GPR161: variants seen among roughly 807,000 people sequenced by gnomAD.
The protein encoded by GPR161 is G-protein coupled receptor RE2.
In GPR161, 25 loss-of-function variants were observed where a neutral mutation model predicts 39.2. The observed-to-expected ratio is 0.64, with a 90% confidence interval of 0.47 to 0.89. The LOEUF (loss-of-function observed/expected upper bound fraction) is 0.89, where lower values mean the gene tolerates loss of function less well. GPR161 is among the 40% of genes least tolerant of loss of function. The pLI, the probability that GPR161 is intolerant of heterozygous loss-of-function variation, is 0.00. For missense variants in GPR161, 547 were observed against 677.8 expected (o/e 0.81, Z 2.14); for synonymous variants, 286 against 276.6 (o/e 1.03, Z -0.34).
chr1:168,114,283 G>T (rs1332271083), intron 1 of GPR161, among the ~76,000 whole-genome samples: 7 of 152,116 alleles, frequency 4.6e-5, no homozygotes, highest in Non-Finnish European at 8.8e-5. Context: ...TGGCCTAGTG[G>T]TTAAGAGCAC....
chr1:168,136,751 GC>G lies in GPR161; in HGVS notation c.-58del. 1 of 995,622 alleles carries G rather than the reference GC, an allele frequency of 1.0e-6. No homozygotes were observed. Among genetic ancestry groups the G allele is most frequent in the Non-Finnish European group, 1.2e-6 (1 of 837,270 alleles). 61.7% of individuals were successfully genotyped at this position (995,622 alleles called of 1,614,324 possible). A position where few individuals can be genotyped will look rare whatever the true frequency, so the allele number is the denominator to read the frequency against. ...GCCGGGTGCTCACCGAGGAGCGGCC[GC>G]CGCGGCAGCTCAGGCCCCGGCCCAG... On this transcript the variant is annotated 5_prime_UTR_variant, in exon 1 of 6. Coordinates refer to ENST00000682931, the MANE Select transcript of GPR161 (RefSeq NM_001375883.1).
At chr1:168,090,717 G>A (rs978511098) in intron 3 of GPR161, 49 bp from the exon 4 acceptor site, 3 of 1,113,456 alleles carry the variant, frequency 2.7e-6, no homozygotes, top group African/African-American at 3.1e-5. Context: ...CTGCAAGGAG[G>A]GGCCCCAGCC....
upstream of GPR161, chr1:168,137,275 CA>C: frequency 1.3e-6 from 2 of 1,503,272 alleles, no homozygotes; most frequent in South Asian, 2.5e-5. Context: ...TCGCCTTTTC[CA>C]TGTCTCTCTC....
chr1:168,099,428 T>C (rs1695877727), intron 2 of GPR161, among the ~76,000 whole-genome samples: 1 of 152,198 alleles, frequency 6.6e-6, no homozygotes, highest in African/African-American at 2.4e-5. Flanking sequence ...GTACGGCCGG[T>C]TGTGGGAGCC....
chr1:168,113,726 T>C (rs957725695), intron 1 of GPR161, among the ~76,000 whole-genome samples: 1 of 152,194 alleles, frequency 6.6e-6, no homozygotes, highest in African/African-American at 2.4e-5. Context: ...AACAAACTAA[T>C]GCAGAAACAG....
At chr1:168,126,048 G>A (rs1698564452) in intron 1 of GPR161, among the ~76,000 whole-genome samples, 1 of 152,192 alleles carries the variant, frequency 6.6e-6, no homozygotes. Context: ...CCAAATAAAT[G>A]AGGTTACACA....
In GPR161 at chr1:168,104,551, G is replaced by A. The variant is rs1696412046; in HGVS notation, c.300C>T (p.Cys100=). The A allele has an allele frequency of 3.7e-6, 6 of 1,613,868 alleles. No individual in the cohort carries two copies. Among genetic ancestry groups the A allele is most frequent in the Admixed American group, 1.7e-5 (1 of 59,990 alleles). Residue 100 remains cysteine (C), a synonymous_variant, in exon 2 of 6, where the codon TGC becomes TGT. Transcript: ENST00000682931. ...RREWIFGVVW[C]NFSALLYLLI... is the part of the protein sequence containing the mutation. ...GCAGGTAGAGGAGGGCAGAGAAGTTGCACCACACTACACCAAAGATCCATT... is the reference window on the plus strand; with the variant it reads ...GCAGGTAGAGGAGGGCAGAGAAGTTACACCACACTACACCAAAGATCCATT...
chr1:168,129,724 G>A (rs1468363239), intron 1 of GPR161, among the ~76,000 whole-genome samples: 9 of 152,122 alleles, frequency 5.9e-5, no homozygotes, highest in Non-Finnish European at 1.3e-4. Context: ...AAAGCCCAAG[G>A]GGCTGAAATG....
rs1394882505 is a variant in GPR161 at position 168,111,258 on chromosome 1, CTT to C, written c.-44-6366_-44-6365del. Reference sequence around the variant, plus strand: ...TTTTTCTTAACTAGCAGACCTCTGACTTTGTCTGGTGTCCAACCCTCCTCCAA... The same window carrying C: ...TTTTTCTTAACTAGCAGACCTCTGACTGTCTGGTGTCCAACCCTCCTCCAA... On this transcript the variant is annotated intron_variant, in intron 1 of 5. Coordinates refer to ENST00000682931, the MANE Select transcript of GPR161 (RefSeq NM_001375883.1). Among the ~76,000 whole-genome samples the C allele has an allele frequency of 3.9e-5, 6 of 152,324 alleles. No individual in the cohort carries two copies. In the South Asian group the frequency reaches 1.2e-3, roughly 32 times the overall value.
chr1:168,103,535 T>C (rs992114585), intron 2 of GPR161, among the ~76,000 whole-genome samples: 2 of 152,116 alleles, frequency 1.3e-5, no homozygotes, highest in African/African-American at 4.8e-5. Context: ...GCCTCAGGTC[T>C]AGGTGCAGTC....
At chr1:168,130,403 C>T (rs1474340741) in intron 1 of GPR161, among the ~76,000 whole-genome samples, 1 of 152,160 alleles carries the variant, frequency 6.6e-6, no homozygotes, top group Non-Finnish European at 1.5e-5. Flanking sequence ...TGCAGCTTTC[C>T]CCCTTGCCAG....
chr1:168,084,887 C>G lies in GPR161; in HGVS notation c.*644G>C, dbSNP rs1006133442. On this transcript the variant is annotated 3_prime_UTR_variant, in exon 6 of 6. Coordinates refer to ENST00000682931, the MANE Select transcript of GPR161 (RefSeq NM_001375883.1). ...TCAGTAGGGAAGTAGGCAGGGTGGG[C>G]CAGTCTGCAAGAGGCCTGTGGCTGT... 2.2e-6 allele frequency: 1 copy of G among 456,206 alleles called. No individual in the cohort carries two copies. Among genetic ancestry groups the G allele is most frequent in the South Asian group, 1.5e-5 (1 of 64,558 alleles). 28.3% of individuals were successfully genotyped at this position (456,206 alleles called of 1,614,324 possible).
chr1:168,104,853 T>C lies in GPR161; in HGVS notation c.-3A>G, dbSNP rs1696450192. ...CTGAGGGAGGAGTTGAGGCTCATGG[T>C]CAGTGCACCTCGGCGTGGGGTGGGC... On this transcript the variant is annotated 5_prime_UTR_variant, in exon 2 of 6. It removes the in-frame stop codon of an upstream open reading frame in the 5' UTR. Transcript: ENST00000682931. The C allele has an allele frequency of 6.2e-7, 1 of 1,612,364 alleles. No homozygotes were observed.
At position 168,091,658 on chromosome 1, in the gene GPR161, T is replaced by C. The variant is rs1010806152; in HGVS notation, c.1100-990A>G. On this transcript the variant is annotated intron_variant, in intron 3 of 5. Transcript: ENST00000682931. ...AAGGTACTAGCGTGAAAGACAGAGA[T>C]GGGAAAAAAGAAAAGAAAAATGGAC... is the stretch of plus-strand genomic sequence containing the variant. Among the ~76,000 whole-genome samples the C allele has an allele frequency of 2.0e-5, 3 of 151,170 alleles. No individual in the cohort carries two copies. In the East Asian group the frequency reaches 5.8e-4, roughly 29 times the overall value.
chr1:168,115,130 A>G (rs1157020687), intron 1 of GPR161, among the ~76,000 whole-genome samples: 1 of 152,188 alleles, frequency 6.6e-6, no homozygotes, highest in Non-Finnish European at 1.5e-5. Context: ...GGATGAGAGC[A>G]CAGGGCAAAG....
In GPR161 at chr1:168,085,019, C is replaced by T. The variant is rs1049798837; in HGVS notation, c.*512G>A. On this transcript the variant is annotated 3_prime_UTR_variant, in exon 6 of 6. Transcript: ENST00000682931. ...CTAGAACTGAGGGTCCCACACTGCC[C>T]GCATCAACCATGTAGAGGCACCAGG... The T allele has an allele frequency of 8.8e-6, 4 of 456,242 alleles. No homozygotes were observed. The highest frequency in any genetic ancestry group is 6.0e-5 in the African/African-American group (3 of 50,072). The allele number at this position is 456,242 out of a possible 1,614,324, so 28.3% of individuals were successfully genotyped here. A position where few individuals can be genotyped will look rare whatever the true frequency, so the allele number is the denominator to read the frequency against.
Position 168,117,010 on chromosome 1 carries a change from A to G in GPR161, c.-44-12116T>C, listed in dbSNP as rs572647794. Among the ~76,000 whole-genome samples the G allele has an allele frequency of 3.9e-5, 6 of 152,304 alleles. No individual in the cohort carries two copies. In the East Asian group the frequency reaches 1.2e-3, roughly 29 times the overall value. Reference sequence around the variant, plus strand: ...TGGCTTTGGTGCTCTCCACAGATACATGATCAACTTGAGCACCTCATTGCC... The same window carrying G: ...TGGCTTTGGTGCTCTCCACAGATACGTGATCAACTTGAGCACCTCATTGCC... On this transcript the variant is annotated intron_variant, in intron 1 of 5. Coordinates refer to ENST00000682931, the MANE Select transcript of GPR161 (RefSeq NM_001375883.1).
Position 168,097,158 on chromosome 1 carries a change from T to G in GPR161, c.449A>C (p.Tyr150Ser). The change falls in exon 3 of 6, where the codon TAC (tyrosine) becomes TCC (serine). Residue 150 changes from tyrosine to serine, a missense_variant. By Grantham distance (144) the Tyr-to-Ser change is moderately radical. Coordinates refer to ENST00000682931, the MANE Select transcript of GPR161 (RefSeq NM_001375883.1). ...TGNRAVMALV[Y>S]IWLHSLIGCL... ...GCCGATGAGCGAGTGAAGCCAGATGTAGACAAGTGCCATCACAGCCCGGTT... is the reference window on the plus strand; with the variant it reads ...GCCGATGAGCGAGTGAAGCCAGATGGAGACAAGTGCCATCACAGCCCGGTT... 6.2e-7 allele frequency: 1 copy of G among 1,613,928 alleles called. No homozygotes were observed. The highest frequency in any genetic ancestry group is 8.5e-7 in the Non-Finnish European group (1 of 1,180,000).
chr1:168,091,858 T>C (rs564642340), intron 3 of GPR161, among the ~76,000 whole-genome samples: 7 of 152,200 alleles, frequency 4.6e-5, no homozygotes, highest in Admixed American at 2.6e-4. Context: ...TCCTGGGAGC[T>C]CATGAAGAAG....
Sources: gnomAD v4.1 joint callset for allele counts (sites outside exome capture counted in the v4.1 genomes callset) on GRCh38, gnomAD v4.1.1 for gene constraint, MANE v1.5 for transcripts, NCBI Gene and HGNC (gene_info 2026-07-23, HGNC 2026-07-21) for gene names.